MYO3A: variants seen among roughly 807,000 people sequenced by gnomAD.
MYO3A encodes the protein myosin IIIA, also known as myosin-IIIa.
A neutral mutation model predicts 192.7 loss-of-function variants in MYO3A; 180 were observed. The ratio of observed to expected loss-of-function variants is 0.93; its 90% confidence interval spans 0.83 to 1.06. The LOEUF is 1.06. Ranked by LOEUF, MYO3A falls within the 50% of genes least tolerant of loss-of-function variation. The pLI, the probability that MYO3A is intolerant of heterozygous loss-of-function variation, is 0.00. For missense variants in MYO3A, 1,896 were observed against 1,905.0 expected, an observed-to-expected ratio of 1.00 and a Z score of 0.09; for synonymous variants, 628 against 645.3, an observed-to-expected ratio of 0.97 and a Z score of 0.41.
At chr10:26,065,462 G>A (rs1405734221) in intron 10 of MYO3A, among the ~76,000 whole-genome samples, 1 of 151,780 alleles carries the variant, frequency 6.6e-6, no homozygotes, top group Non-Finnish European at 1.5e-5. Context: ...GGCCACGCCT[G>A]TAATCCCAGC....
At chr10:26,173,518 TA>T in intron 29 of MYO3A, 144 bp from the exon 30 acceptor site, 1 of 700,324 alleles carries the variant, frequency 1.4e-6, no homozygotes, top group Non-Finnish European at 2.3e-6. Context: ...AGCACTTGAT[TA>T]ATGTGACTTG....
intron 34 of MYO3A, among the ~76,000 whole-genome samples, chr10:26,203,922 G>GT (rs770019182): frequency 2.2e-4 from 33 of 152,288 alleles, no homozygotes; most frequent in Non-Finnish European, 3.4e-4. Context: ...GCTCATGATA[G>GT]TTGACCTCTT....
intron 14 of MYO3A, among the ~76,000 whole-genome samples, chr10:26,077,719 T>C (rs141080089): frequency 0.061 from 9,300 of 152,208 alleles, 373 homozygotes; most frequent in Non-Finnish European, 0.089. Flanking sequence ...GATGCTGGAT[T>C]TTGTCAAATG....
At chr10:26,152,817 C>T (rs1324872590) in intron 23 of MYO3A, among the ~76,000 whole-genome samples, 2 of 152,110 alleles carry the variant, frequency 1.3e-5, no homozygotes, top group Non-Finnish European at 2.9e-5. Flanking sequence ...GAAACTGTGG[C>T]ACACACCCGT....
intron 7 of MYO3A, among the ~76,000 whole-genome samples, chr10:26,021,053 C>G (rs1271527361): frequency 6.6e-6 from 1 of 152,182 alleles, no homozygotes; most frequent in African/African-American, 2.4e-5. Flanking sequence ...GAGACCAAGG[C>G]CATCTAACTA....
At chr10:26,143,389 G>A in intron 20 of MYO3A, 59 bp from the exon 21 acceptor site, 1 of 1,511,770 alleles carries the variant, frequency 6.6e-7, no homozygotes, top group African/African-American at 1.4e-5. Flanking sequence ...AAAATTTTAG[G>A]TAATTACTAT....
intron 21 of MYO3A, among the ~76,000 whole-genome samples, chr10:26,144,940 C>T (rs1185282954): frequency 6.6e-6 from 1 of 152,164 alleles, no homozygotes; most frequent in African/African-American, 2.4e-5. Flanking sequence ...CTTTGGGAGG[C>T]CGACACAGGT....
intron 4 of MYO3A, among the ~76,000 whole-genome samples, chr10:25,972,863 G>T (rs919156126): frequency 6.6e-6 from 1 of 152,138 alleles, no homozygotes; most frequent in Non-Finnish European, 1.5e-5. Flanking sequence ...TTCCAGCAGT[G>T]TCCTGGGGCA....
chr10:25,962,154 G>T (rs1426195840), intron 4 of MYO3A, among the ~76,000 whole-genome samples: 1 of 152,126 alleles, frequency 6.6e-6, no homozygotes, highest in Non-Finnish European at 1.5e-5. Context: ...GAATAATGAT[G>T]TGCCAGATCT....
intron 4 of MYO3A, among the ~76,000 whole-genome samples, chr10:25,963,928 A>G (rs1838100686): frequency 6.6e-6 from 1 of 152,202 alleles, no homozygotes; most frequent in Non-Finnish European, 1.5e-5. Context: ...ATCTTCTTTG[A>G]ATAGGCATGC....
intron 34 of MYO3A, among the ~76,000 whole-genome samples, chr10:26,205,777 C>T (rs896134825): frequency 4.0e-5 from 6 of 151,610 alleles, no homozygotes; most frequent in Non-Finnish European, 1.5e-5. Flanking sequence ...CCATCACTCC[C>T]GGCTAATATT....
At chr10:26,191,929 A>G (rs141210598) in intron 31 of MYO3A, among the ~76,000 whole-genome samples, 10 of 152,316 alleles carry the variant, frequency 6.6e-5, no homozygotes, top group Non-Finnish European at 1.3e-4. Flanking sequence ...AGAATGAGCT[A>G]TTACTGCTTT....
At chr10:25,983,342 G>A (rs987365478) in intron 4 of MYO3A, among the ~76,000 whole-genome samples, 13 of 151,192 alleles carry the variant, frequency 8.6e-5, no homozygotes, top group African/African-American at 2.7e-4. Flanking sequence ...TGCAAGCTCC[G>A]CCTCCCGGGT....
chr10:26,016,251 C>T (rs1039257841), intron 6 of MYO3A, among the ~76,000 whole-genome samples: 4 of 152,080 alleles, frequency 2.6e-5, no homozygotes, highest in Admixed American at 1.3e-4. Flanking sequence ...GAAGAGAACT[C>T]GTTCTGTTAA....
rs192751808 is a variant in MYO3A, at chr10:26,170,572, C to T, written c.3398+33C>T. On this transcript the variant is annotated intron_variant, in intron 29 of 34. Transcript: ENST00000642920. ...GATGTTCATTCTTATACCGTTGTAA[C>T]ATATAGATTTTTCAGATCTGTAAGG... is the stretch of plus-strand genomic sequence containing the variant. 1,788 of 1,589,162 alleles carry T rather than the reference C, an allele frequency of 1.1e-3. 6 individuals carry two copies. Among genetic ancestry groups the T allele is most frequent in the Middle Eastern group, 6.7e-3 (30 of 4,498 alleles).
intron 31 of MYO3A, among the ~76,000 whole-genome samples, chr10:26,181,927 A>T (rs1175675659): frequency 6.6e-6 from 1 of 152,256 alleles, no homozygotes; most frequent in East Asian, 1.9e-4. Flanking sequence ...TTAATAAGTA[A>T]TGACACATTC....
At chr10:25,989,990 A>T (rs1839911208) in intron 4 of MYO3A, among the ~76,000 whole-genome samples, 1 of 152,132 alleles carries the variant, frequency 6.6e-6, no homozygotes, top group Non-Finnish European at 1.5e-5. Context: ...CTTCACTGGG[A>T]CGTTCTCTTG....
At chr10:26,045,379 TA>T (rs1174655587) in intron 10 of MYO3A, among the ~76,000 whole-genome samples, 8 of 139,936 alleles carry the variant, frequency 5.7e-5, no homozygotes, top group Middle Eastern at 7.3e-3. Context: ...GATAGATAGA[TA>T]GATAGATAGA....
intron 17 of MYO3A, among the ~76,000 whole-genome samples, chr10:26,114,235 T>A (rs1238032635): frequency 6.6e-6 from 1 of 152,178 alleles, no homozygotes; most frequent in Non-Finnish European, 1.5e-5. Context: ...GACCCCCACC[T>A]ACTTTGAGAT....
Sources: allele counts gnomAD v4.1 joint callset (sites outside exome capture counted in the v4.1 genomes callset), GRCh38; gene constraint gnomAD v4.1.1; transcripts MANE v1.5; gene names NCBI Gene and HGNC (gene_info 2026-07-23, HGNC 2026-07-21).